GALR2: variants seen among roughly 807,000 people sequenced by gnomAD.
The protein encoded by GALR2 is galanin receptor type 2.
GALR2 carries 5 observed loss-of-function variants against 7.2 expected under a neutral mutation model. The ratio of observed to expected loss-of-function variants is 0.69; its 90% CI spans 0.36 to 1.45. The LOEUF (loss-of-function observed/expected upper bound fraction) is 1.45, where lower values mean the gene tolerates loss of function less well. Among genes scored for constraint, GALR2 ranks in the 40% most tolerant of loss-of-function variants. GALR2 has a pLI of 0.03. For missense variants in GALR2, 561 were observed against 555.7 expected, an observed-to-expected ratio of 1.01 and a Z score of -0.10; for synonymous variants, 300 against 263.9, an observed-to-expected ratio of 1.14 and a Z score of -1.32.
At position 76,075,361 on chromosome 17, in the gene GALR2, G is replaced by A. The variant is rs953469465; in HGVS notation, c.368+110G>A. 3.5e-6 allele frequency: 4 copies of A among 1,153,560 alleles called. No homozygotes were observed. The African/African-American group carries it at 6.1e-5, about 18-fold the overall frequency. The allele number at this position is 1,153,560 out of a possible 1,614,324, so 71.5% of individuals were successfully genotyped here. ...CGCGCAGAGTGGGACAGGACACTAA[G>A]AAGGCAGTGGAAGACAAGCGGGCGC... On this transcript the variant is annotated intron_variant, in intron 1 of 1. Coordinates refer to ENST00000329003, the MANE Select transcript of GALR2 (RefSeq NM_003857.4). The surrounding 1 kb of genome is among the most constrained non-coding windows in gnomAD (Gnocchi z 5.9).
chr17:76,072,183 G>A, upstream of GALR2: 1 of 1,552,884 alleles, frequency 6.4e-7, no homozygotes, highest in East Asian at 2.4e-5. This position sits in a 1 kb window ranked among gnomAD's most constrained non-coding sequence, Gnocchi z 4.5. Context: ...AAAGGTAAGG[G>A]CGAGAGAAAC....
At chr17:76,072,583 T>C, upstream of GALR2, 1 of 1,489,880 alleles carries the variant, frequency 6.7e-7, no homozygotes, top group South Asian at 1.4e-5. The surrounding 1 kb of genome is among the most constrained non-coding windows in gnomAD (Gnocchi z 4.5). Flanking sequence ...GCTGATGGGA[T>C]AGCGGCGGAC....
At chr17:76,074,151 A>C (rs1288189476), upstream of GALR2, among the ~76,000 whole-genome samples, 1 of 152,004 alleles carries the variant, frequency 6.6e-6, no homozygotes, top group African/African-American at 2.4e-5. This position sits in a 1 kb window ranked among gnomAD's most constrained non-coding sequence, Gnocchi z 6.7. Flanking sequence ...GTCTCAACAA[A>C]TACAAATACA....
At chr17:76,073,434 T>A (rs2066871059), upstream of GALR2, among the ~76,000 whole-genome samples, 1 of 141,854 alleles carries the variant, frequency 7.0e-6, no homozygotes, top group African/African-American at 2.7e-5. Context: ...TAGCTGGGAT[T>A]ACAGGCGCCT....
chr17:76,072,417 GCCGCCGCCACTGCCA>G (rs748162817), upstream of GALR2: 1 of 1,583,696 alleles, frequency 6.3e-7, no homozygotes, highest in Non-Finnish European at 8.6e-7. The surrounding 1 kb of genome is among the most constrained non-coding windows in gnomAD (Gnocchi z 4.5). Context: ...CGCCGCTACC[GCCGCCGCCACTGCCA>G]CCGCCGCCGC....
At position 76,077,333 on chromosome 17, in the gene GALR2, C is replaced by T. The variant is rs1489817023; in HGVS notation, c.1066C>T (p.Pro356Ser). ...GGCGGCGGGGGCCCTTCGTCCCTGC[C>T]CCGGCGCTTCCCAGCCATGCATCCT... ...SEAAGALRPC[P>S]GASQPCILEP... Residue 356 changes from proline (P) to serine (S), a missense_variant, in exon 2 of 2, where the codon CCC (proline) becomes TCC (serine). Pro to Ser is a moderately conservative substitution (Grantham distance 74). Transcript: ENST00000329003. 6.4e-7 allele frequency: 1 copy of T among 1,560,446 alleles called. No individual in the cohort carries two copies.
chr17:76,077,218 A>C lies in GALR2; in HGVS notation c.951A>C (p.Arg317=). ...CAGLLGRAPG[R]ASGRVCAAAR... ...GCCTGCTGGGCCGTGCCCCAGGCCGAGCCTCGGGCCGTGTGTGCGCTGCCG... is the reference window on the plus strand; with the variant it reads ...GCCTGCTGGGCCGTGCCCCAGGCCGCGCCTCGGGCCGTGTGTGCGCTGCCG... Residue 317 remains arginine, a synonymous_variant, in exon 2 of 2, where the codon CGA becomes CGC. Transcript: ENST00000329003. The C allele has an allele frequency of 6.2e-7, 1 of 1,607,704 alleles. No homozygotes were observed. Among genetic ancestry groups the C allele is most frequent in the Non-Finnish European group, 8.5e-7 (1 of 1,177,894 alleles).
upstream of GALR2, chr17:76,072,390 T>G (rs762679640): frequency 6.2e-7 from 1 of 1,604,126 alleles, no homozygotes; most frequent in Non-Finnish European, 8.5e-7. This position sits in a 1 kb window ranked among gnomAD's most constrained non-coding sequence, Gnocchi z 4.5. Flanking sequence ...TTTCTTCCCC[T>G]CCGGCACCAC....
upstream of GALR2, chr17:76,072,593 C>A: frequency 6.8e-7 from 1 of 1,478,042 alleles, no homozygotes; most frequent in Non-Finnish European, 8.9e-7. This position sits in a 1 kb window ranked among gnomAD's most constrained non-coding sequence, Gnocchi z 4.5. Context: ...TAGCGGCGGA[C>A]TCCGCCGCCG....
Position 76,075,063 on chromosome 17 carries a change from C to T in GALR2, c.180C>T (p.Thr60=). The T allele has an allele frequency of 6.2e-7, 1 of 1,611,836 alleles. No homozygotes were observed. Among genetic ancestry groups the T allele is most frequent in the Non-Finnish European group, 8.5e-7 (1 of 1,179,958 alleles). Residue 60 remains threonine, a synonymous_variant, in exon 1 of 2, where the codon ACC becomes ACT. Transcript: ENST00000329003. This position sits in a 1 kb window ranked among gnomAD's most constrained non-coding sequence, Gnocchi z 5.9. The stretch of plus-strand genomic sequence containing the variant: ...GCGGCGGCCAGGCGGTCAGCACTAC[C>T]AACCTGTTCATCCTTAACCTGGGCG... ...LLRGGQAVST[T]NLFILNLGVA...
upstream of GALR2, chr17:76,074,647 C>T (rs1027994950): frequency 1.1e-5 from 6 of 546,488 alleles, no homozygotes; most frequent in South Asian, 7.4e-5. The surrounding 1 kb of genome is among the most constrained non-coding windows in gnomAD (Gnocchi z 6.7). Flanking sequence ...GACCACTCCG[C>T]AGCCCTTCCC....
In GALR2 at chr17:76,075,015, G is replaced by A. The variant is rs2066881369; in HGVS notation, c.132G>A (p.Thr44=). Residue 44 remains threonine, a synonymous_variant, in exon 1 of 2, where the codon ACG becomes ACA. Coordinates refer to ENST00000329003, the MANE Select transcript of GALR2 (RefSeq NM_003857.4). This position sits in a 1 kb window ranked among gnomAD's most constrained non-coding sequence, Gnocchi z 5.9. The stretch of plus-strand genomic sequence containing the variant: ...TCCTCGTGGGCACCGTGGGCAACAC[G>A]CTGGTGCTGGCGGTGCTGCTGCGCG... The part of the protein sequence containing the change: ...LIFLVGTVGN[T]LVLAVLLRGG... The A allele has an allele frequency of 3.7e-6, 6 of 1,609,256 alleles. No homozygotes were observed. The South Asian group carries it at 6.6e-5, about 18-fold the overall frequency.
upstream of GALR2, chr17:76,072,405 A>ACCGCCGCTACCG: frequency 1.3e-6 from 2 of 1,582,000 alleles, no homozygotes; most frequent in Non-Finnish European, 1.7e-6. The surrounding 1 kb of genome is among the most constrained non-coding windows in gnomAD (Gnocchi z 4.5). Context: ...CACCACGTCC[A>ACCGCCGCTACCG]CCGCCGCTAC....
chr17:76,076,943 G>C lies in GALR2; in HGVS notation c.676G>C (p.Gly226Arg), dbSNP rs76890663. The C allele has an allele frequency of 6.2e-7, 1 of 1,602,214 alleles. No homozygotes were observed. Among genetic ancestry groups the C allele is most frequent in the South Asian group, 1.1e-5 (1 of 90,966 alleles). Residue 226 changes from glycine to arginine, a missense_variant, in exon 2 of 2, where the codon GGT becomes CGT. By Grantham distance (125) the Gly-to-Arg change is moderately radical. Coordinates refer to ENST00000329003, the MANE Select transcript of GALR2 (RefSeq NM_003857.4). This position sits in a 1 kb window ranked among gnomAD's most constrained non-coding sequence, Gnocchi z 6.5. Reference protein sequence around the residue: ...RAVDPVAAGSGARRAKRKVTR... With the variant: ...RAVDPVAAGSRARRAKRKVTR... ...CGTCGACCCGGTGGCCGCGGGCTCG[G>C]GTGCCCGGCGCGCCAAGCGCAAGGT...
chr17:76,074,979 C>T lies in GALR2; in HGVS notation c.96C>T (p.Phe32=). 1.9e-6 allele frequency: 3 copies of T among 1,602,156 alleles called. No homozygotes were observed. The highest frequency in any genetic ancestry group is 1.7e-6 in the Non-Finnish European group (2 of 1,178,910). The change falls in exon 1 of 2, where the codon TTC becomes TTT. Residue 32 remains phenylalanine, a synonymous_variant. Transcript: ENST00000329003. This position sits in a 1 kb window ranked among gnomAD's most constrained non-coding sequence, Gnocchi z 6.7. The part of the protein sequence containing the change: ...HPEAVIVPLL[F]ALIFLVGTVG... ...AGGCGGTCATCGTGCCCCTGCTCTT[C>T]GCGCTCATCTTCCTCGTGGGCACCG...
Position 76,076,903 on chromosome 17 carries a change from C to G in GALR2, c.636C>G (p.Arg212=). The change falls in exon 2 of 2, where the codon CGC becomes CGG. Residue 212 remains arginine, a synonymous_variant. Coordinates refer to ENST00000329003, the MANE Select transcript of GALR2 (RefSeq NM_003857.4). This position sits in a 1 kb window ranked among gnomAD's most constrained non-coding sequence, Gnocchi z 6.5. ...GCCTGACCTACGCGCGCACCTTGCGCTACCTCTGGCGCGCCGTCGACCCGG... is the reference window on the plus strand; with the variant it reads ...GCCTGACCTACGCGCGCACCTTGCGGTACCTCTGGCGCGCCGTCGACCCGG... ...VLGLTYARTL[R]YLWRAVDPVA... The G allele has an allele frequency of 6.2e-7, 1 of 1,602,504 alleles. No homozygotes were observed. The highest frequency in any genetic ancestry group is 8.5e-7 in the Non-Finnish European group (1 of 1,178,772).
In GALR2 at chr17:76,077,154, C is replaced by T. The variant is rs756409862; in HGVS notation, c.887C>T (p.Ser296Phe). The T allele has an allele frequency of 6.2e-7, 1 of 1,612,450 alleles. No individual in the cohort carries two copies. The highest frequency in any genetic ancestry group is 8.5e-7 in the Non-Finnish European group (1 of 1,179,762). Reference protein sequence around the residue: ...CVNPIVYALVSKHFRKGFRTI... With the variant: ...CVNPIVYALVFKHFRKGFRTI... ...AACCCCATCGTTTACGCGCTGGTCT[C>T]CAAGCACTTCCGCAAAGGCTTCCGC... The change falls in exon 2 of 2, where the codon TCC becomes TTC. Residue 296 changes from serine (S) to phenylalanine (F), a missense_variant. Coordinates refer to ENST00000329003, the MANE Select transcript of GALR2 (RefSeq NM_003857.4).
chr17:76,075,595 A>G lies in GALR2; in HGVS notation c.368+344A>G, dbSNP rs200450958. Among the ~76,000 whole-genome samples, 14 of 152,300 alleles carry G rather than the reference A, an allele frequency of 9.2e-5. No individual in the cohort carries two copies. Among genetic ancestry groups the G allele is most frequent in the African/African-American group, 3.4e-4 (14 of 41,578 alleles). On this transcript the variant is annotated intron_variant, in intron 1 of 1. Coordinates refer to ENST00000329003, the MANE Select transcript of GALR2 (RefSeq NM_003857.4). The surrounding 1 kb of genome is among the most constrained non-coding windows in gnomAD (Gnocchi z 5.9). ...GGTGGGATAGGACAAAGTGCCCAAT[A>G]TACAGAAGAGTTGAGTTCCTAAGTA...
chr17:76,076,513 C>T lies in GALR2; in HGVS notation c.369-123C>T. ...GCCTCACCCCCACCTCCTCTGTGTGCGGTGTAACCATGCGCTAAGGACCTT... is the reference window on the plus strand; with the variant it reads ...GCCTCACCCCCACCTCCTCTGTGTGTGGTGTAACCATGCGCTAAGGACCTT... On this transcript the variant is annotated intron_variant, in intron 1 of 1. Coordinates refer to ENST00000329003, the MANE Select transcript of GALR2 (RefSeq NM_003857.4). This position sits in a 1 kb window ranked among gnomAD's most constrained non-coding sequence, Gnocchi z 6.5. 1 of 635,240 alleles carries T rather than the reference C, an allele frequency of 1.6e-6. No individual in the cohort carries two copies. Among genetic ancestry groups the T allele is most frequent in the Non-Finnish European group, 2.7e-6 (1 of 371,382 alleles). The allele number at this position is 635,240 out of a possible 1,614,324, so 39.4% of individuals were successfully genotyped here.
Sources: allele counts gnomAD v4.1 joint callset (sites outside exome capture counted in the v4.1 genomes callset), GRCh38; gene constraint gnomAD v4.1.1; non-coding constraint Gnocchi (gnomAD v3.1); transcripts MANE v1.5; gene names NCBI Gene and HGNC (gene_info 2026-07-23, HGNC 2026-07-21).